Variants in MROH2A observed in about 807,000 individuals in gnomAD.
MROH2A encodes maestro heat-like repeat-containing protein family member 2A.
A neutral mutation model predicts 200.4 loss-of-function variants in MROH2A; 174 were observed. The ratio of observed to expected loss-of-function variants is 0.87; its 90% CI spans 0.77 to 0.98. The LOEUF is 0.98. Ranked by LOEUF, MROH2A falls within the 50% of genes least tolerant of loss-of-function variation. The pLI is 0.00. For missense variants in MROH2A, 2,045 were observed against 2,139.6 expected, an observed-to-expected ratio of 0.96 and a Z score of 0.87; for synonymous variants, 829 against 840.4, an observed-to-expected ratio of 0.99 and a Z score of 0.23.
chr2:233,779,486 C>A, intron 2 of MROH2A, 34 bp downstream of exon 2: 1 of 1,497,198 alleles, frequency 6.7e-7, no homozygotes, highest in Non-Finnish European at 9.1e-7. Flanking sequence ...GCTTTCCTGC[C>A]CCATCTCAGA....
chr2:233,798,902 G>C, intron 12 of MROH2A, 52 bp downstream of exon 12: 1 of 1,433,910 alleles, frequency 7.0e-7, no homozygotes, highest in Middle Eastern at 1.8e-4. Flanking sequence ...CCCTGCCAGG[G>C]AGGCAAAGGG....
intron 34 of MROH2A, among the ~76,000 whole-genome samples, 159 bp downstream of exon 34, chr2:233,823,177 G>A (rs548934067): frequency 4.6e-5 from 7 of 152,358 alleles, no homozygotes; most frequent in Non-Finnish European, 7.3e-5. Context: ...GCAGTGGTGT[G>A]CAAGAGAATG....
In MROH2A at chr2:233,810,691, CT is replaced by C. The variant is rs1575975486; in HGVS notation, c.2449-100del. On this transcript the variant is annotated intron_variant, in intron 22 of 41. Coordinates refer to ENST00000389758, the MANE Select transcript of MROH2A (RefSeq NM_001394639.1). ...CTCTCAGAGCATTCAACATTAAACG[CT>C]TTCTTCAGAGCAGAGGGAGTCCAGG... The C allele has an allele frequency of 2.1e-6, 3 of 1,421,906 alleles. No individual in the cohort carries two copies. The East Asian group carries it at 7.7e-5, about 37-fold the overall frequency. The allele number at this position is 1,421,906 out of a possible 1,614,324, so 88.1% of individuals were successfully genotyped here.
rs952324593 is a variant in MROH2A at position 233,807,593 on chromosome 2, G to A, written c.2172+51G>A. The A allele has an allele frequency of 6.6e-5, 102 of 1,546,642 alleles. No individual in the cohort carries two copies. The highest frequency in any genetic ancestry group is 7.1e-5 in the Non-Finnish European group (81 of 1,144,758). On this transcript the variant is annotated intron_variant, in intron 20 of 41. Coordinates refer to ENST00000389758, the MANE Select transcript of MROH2A (RefSeq NM_001394639.1). The surrounding 1 kb of genome is among the most constrained non-coding windows in gnomAD (Gnocchi z 4.3). ...GTCCACCAGATGCCTCTGGACCCTC[G>A]GGGACATGTGTGTTCATGTGGCTGC...
chr2:233,790,501 T>TCCCTCCCTTC (rs1575917573), intron 5 of MROH2A, among the ~76,000 whole-genome samples: 1 of 52,122 alleles, frequency 1.9e-5, no homozygotes, highest in Non-Finnish European at 3.1e-5. Flanking sequence ...CCTTCCTTCC[T>TCCCTCCCTTC]TTCCTTTTTA....
At chr2:233,816,683 C>CTA in intron 26 of MROH2A, 98 bp from the exon 27 acceptor site, 1 of 683,484 alleles carries the variant, frequency 1.5e-6, no homozygotes, top group Middle Eastern at 3.8e-4. Flanking sequence ...CATTGAAAGT[C>CTA]GATCTGAGTA....
At chr2:233,793,310 A>G (rs1440134303) in intron 6 of MROH2A, among the ~76,000 whole-genome samples, 1 of 152,100 alleles carries the variant, frequency 6.6e-6, no homozygotes, top group Non-Finnish European at 1.5e-5. Context: ...TGATTACTTA[A>G]TGTTCTTGTG....
At chr2:233,790,502 T>C (rs1701665808) in intron 5 of MROH2A, among the ~76,000 whole-genome samples, 6 of 44,568 alleles carry the variant, frequency 1.3e-4, no homozygotes, top group African/African-American at 1.5e-4. Context: ...CTTCCTTCCT[T>C]TCCTTTTTAA....
chr2:233,782,594 T>C (rs1031433082), intron 3 of MROH2A, among the ~76,000 whole-genome samples: 1 of 152,238 alleles, frequency 6.6e-6, no homozygotes, highest in African/African-American at 2.4e-5. Flanking sequence ...AATTTATTTA[T>C]CAGTTCTAAC....
At chr2:233,826,487 A>T (rs1043408837) in intron 35 of MROH2A, among the ~76,000 whole-genome samples, 1 of 152,220 alleles carries the variant, frequency 6.6e-6, no homozygotes, top group Admixed American at 6.5e-5. Flanking sequence ...TTCCATATTT[A>T]AAAAATAGTG....
intron 28 of MROH2A, 26 bp from the exon 29 acceptor site, chr2:233,818,626 C>T (rs1257092816): frequency 2.8e-6 from 4 of 1,444,696 alleles, no homozygotes; most frequent in East Asian, 5.0e-5. Context: ...CCCTGCTGGT[C>T]ATTTCTGAAG....
At position 233,802,219 on chromosome 2, in the gene MROH2A, G is replaced by A; in HGVS notation, c.1612G>A (p.Ala538Thr). The stretch of plus-strand genomic sequence containing the variant: ...CATCATGGAGACAGACTACGTGGAA[G>A]CTTTGACTCCTATCTGTATCAGCCT... ...CYIMETDYVEALTPICISLTN... is the reference protein window; with the variant it reads ...CYIMETDYVETLTPICISLTN... The change falls in exon 15 of 42, where the codon GCT becomes ACT. Residue 538 changes from alanine (A) to threonine (T), a missense_variant. This residue lies in a region of MROH2A where 831 missense variants were observed against 800.0 expected (regional missense o/e 1.04). Coordinates refer to ENST00000389758, the MANE Select transcript of MROH2A (RefSeq NM_001394639.1). 6.4e-7 allele frequency: 1 copy of A among 1,550,498 alleles called. No individual in the cohort carries two copies. The highest frequency in any genetic ancestry group is 8.7e-7 in the Non-Finnish European group (1 of 1,146,896).
chr2:233,808,945 C>T (rs1308848491), intron 21 of MROH2A, among the ~76,000 whole-genome samples, 181 bp from the exon 22 acceptor site: 1 of 152,222 alleles, frequency 6.6e-6, no homozygotes, highest in Non-Finnish European at 1.5e-5. Context: ...AGTAAAGATG[C>T]ACTGAGTGAA....
chr2:233,782,883 C>T (rs1190553348), intron 3 of MROH2A, among the ~76,000 whole-genome samples: 1 of 152,090 alleles, frequency 6.6e-6, no homozygotes, highest in African/African-American at 2.4e-5. Context: ...GTGAGGTATG[C>T]TCTTTCTATG....
intron 4 of MROH2A, 61 bp downstream of exon 4, chr2:233,789,689 G>A (rs1701600688): frequency 3.5e-6 from 5 of 1,437,422 alleles, no homozygotes; most frequent in Non-Finnish European, 3.7e-6. Flanking sequence ...GGCCACGGGG[G>A]GCCTGGCCCA....
At chr2:233,806,023 A>C (rs1460424824) in intron 19 of MROH2A, among the ~76,000 whole-genome samples, 1 of 152,210 alleles carries the variant, frequency 6.6e-6, no homozygotes, top group Non-Finnish European at 1.5e-5. Flanking sequence ...CTTAGAGATG[A>C]CACCAAAAAG....
In MROH2A at chr2:233,814,500, T is replaced by C. The variant is rs970347245; in HGVS notation, c.2761-82T>C. The C allele has an allele frequency of 1.3e-5, 12 of 947,822 alleles. No individual in the cohort carries two copies. The Admixed American group carries it at 2.2e-4, about 17-fold the overall frequency. 58.7% of individuals were successfully genotyped at this position (947,822 alleles called of 1,614,324 possible). ...AGTTAGTGGATGACTGCCAGACCCCTCCCTGGCATGAACTCCCTGCAGGGA... is the reference window on the plus strand; with the variant it reads ...AGTTAGTGGATGACTGCCAGACCCCCCCCTGGCATGAACTCCCTGCAGGGA... On this transcript the variant is annotated intron_variant, in intron 25 of 41. Transcript: ENST00000389758.
chr2:233,816,646 TG>T, intron 26 of MROH2A, 134 bp from the exon 27 acceptor site: 1 of 566,584 alleles, frequency 1.8e-6, no homozygotes. Context: ...CCCTTCATGA[TG>T]GGGCCTGTCT....
Position 233,793,570 on chromosome 2 carries a change from C to T in MROH2A, c.671-103C>T, listed in dbSNP as rs137898026. On this transcript the variant is annotated intron_variant, in intron 6 of 41. Transcript: ENST00000389758. ...AGGGCAGGGTGCAGCCTGCTCGCTA[C>T]GGCAAGGCATGAGCACTTCCACTCG... is the stretch of plus-strand genomic sequence containing the variant. 2.9e-5 allele frequency: 33 copies of T among 1,149,368 alleles called. No individual in the cohort carries two copies. In the Middle Eastern group the frequency reaches 1.1e-3, roughly 37 times the overall value. 71.2% of individuals were successfully genotyped at this position (1,149,368 alleles called of 1,614,324 possible). A position where few individuals can be genotyped will look rare whatever the true frequency, so the allele number is the denominator to read the frequency against.
Sources: allele counts gnomAD v4.1 joint callset (sites outside exome capture counted in the v4.1 genomes callset), GRCh38; gene constraint gnomAD v4.1.1; regional missense constraint gnomAD v4.1.1; non-coding constraint Gnocchi (gnomAD v3.1); transcripts MANE v1.5; gene names NCBI Gene and HGNC (gene_info 2026-07-23, HGNC 2026-07-21).